Variants in CSMD1 observed in about 807,000 individuals in gnomAD.
CSMD1 encodes CUB and Sushi multiple domains 1.
A neutral mutation model predicts 417.5 loss-of-function variants in CSMD1; 213 were observed. That is an observed-to-expected ratio of 0.51 (90% CI 0.46 to 0.57). The LOEUF (loss-of-function observed/expected upper bound fraction) is 0.57. Ranked by LOEUF, CSMD1 falls within the 20% of genes least tolerant of loss-of-function variation. CSMD1 has a pLI of 0.00. For missense variants in CSMD1, 6,923 were observed against 4,529.7 expected (o/e 1.53, Z -15.17); for synonymous variants, 2,862 against 1,736.8 (o/e 1.65, Z -16.11).
At chr8:3,807,254 T>G (rs1262341576) in intron 5 of CSMD1, among the ~76,000 whole-genome samples, 1 of 152,168 alleles carries the variant, frequency 6.6e-6, no homozygotes, top group Non-Finnish European at 1.5e-5. Context: ...TAATTTCCAT[T>G]CTTTGATCAA....
chr8:4,212,831 T>C (rs1323233020), intron 3 of CSMD1, among the ~76,000 whole-genome samples: 1 of 147,898 alleles, frequency 6.8e-6, no homozygotes, highest in Non-Finnish European at 1.5e-5. Flanking sequence ...GACTGGCATT[T>C]GGGAAACACC....
chr8:3,709,473 G>C (rs777281724), intron 6 of CSMD1, among the ~76,000 whole-genome samples: 5 of 152,114 alleles, frequency 3.3e-5, no homozygotes, highest in Admixed American at 6.5e-5. Flanking sequence ...CTCAGACATT[G>C]GGCCAGAGGA....
intron 3 of CSMD1, among the ~76,000 whole-genome samples, chr8:4,293,877 C>T (rs1048404871): frequency 6.6e-6 from 1 of 151,810 alleles, no homozygotes. Context: ...AGTGGTGAGA[C>T]CAGATTTAAG....
At chr8:4,317,025 T>C (rs1798974965) in intron 3 of CSMD1, among the ~76,000 whole-genome samples, 1 of 152,104 alleles carries the variant, frequency 6.6e-6, no homozygotes, top group South Asian at 2.1e-4. Context: ...GGCAAAAAAC[T>C]ACACTTGTAA....
intron 7 of CSMD1, among the ~76,000 whole-genome samples, chr8:3,661,500 T>A (rs183576514): frequency 9.1e-6 from 1 of 109,826 alleles, no homozygotes; most frequent in East Asian, 4.2e-4. Context: ...TTAAACTGAT[T>A]TTTTTTTCTT....
chr8:3,035,320 C>G (rs749588466), intron 50 of CSMD1, among the ~76,000 whole-genome samples: 9 of 152,028 alleles, frequency 5.9e-5, no homozygotes, highest in African/African-American at 2.2e-4. Context: ...CTACTGTAAG[C>G]GGATCCTCAC....
chr8:3,275,028 G>A (rs148751773), intron 26 of CSMD1, among the ~76,000 whole-genome samples: 41,564 of 151,764 alleles, frequency 0.27, 5,842 homozygotes, highest in African/African-American at 0.34. Flanking sequence ...TAGCCTTGAT[G>A]GTCTTTACAA....
intron 5 of CSMD1, among the ~76,000 whole-genome samples, chr8:3,866,803 C>A (rs189595912): frequency 6.6e-6 from 1 of 152,090 alleles, no homozygotes; most frequent in Admixed American, 6.5e-5. Flanking sequence ...GCTCACAAAT[C>A]CTTAATATGA....
At chr8:4,788,319 C>G in intron 1 of CSMD1, 1 of 1,570,122 alleles carries the variant, frequency 6.4e-7, no homozygotes, top group East Asian at 2.3e-5. Context: ...TGGTTTGGGA[C>G]CAGTGATGTC....
intron 3 of CSMD1, among the ~76,000 whole-genome samples, chr8:4,163,080 A>G (rs1165769423): frequency 6.6e-6 from 1 of 152,172 alleles, no homozygotes; most frequent in East Asian, 1.9e-4. Flanking sequence ...ATTTTGTTTT[A>G]GCAATGAATA....
rs545696370 is a variant in CSMD1 at position 4,105,855 on chromosome 8, C to T, written c.416-73756G>A. On this transcript the variant is annotated intron_variant, in intron 3 of 69. Coordinates refer to ENST00000635120, the MANE Select transcript of CSMD1 (RefSeq NM_033225.6). ...GCTGAGGCCATGACCCTCTGAGCTT[C>T]CCGGGACAACAGAGCAGACAGGACA... is the stretch of plus-strand genomic sequence containing the variant. Among the ~76,000 whole-genome samples, 3 of 152,326 alleles carry T rather than the reference C, an allele frequency of 2.0e-5. No homozygotes were observed. In the South Asian group the frequency reaches 6.2e-4, roughly 32 times the overall value.
intron 3 of CSMD1, among the ~76,000 whole-genome samples, chr8:4,163,994 T>A (rs1001197299): frequency 1.3e-5 from 2 of 152,206 alleles, no homozygotes; most frequent in Admixed American, 1.3e-4. Context: ...TGAGGAATAA[T>A]CGTGAGGAGA....
chr8:2,973,431 G>A, intron 56 of CSMD1, 132 bp from the exon 57 acceptor site: 1 of 858,892 alleles, frequency 1.2e-6, no homozygotes, highest in Non-Finnish European at 1.8e-6. Flanking sequence ...ACAACATTCT[G>A]CAATCTTGTA....
chr8:4,283,154 T>G (rs568625371), intron 3 of CSMD1, among the ~76,000 whole-genome samples: 74 of 152,326 alleles, frequency 4.9e-4, no homozygotes, highest in African/African-American at 1.7e-3. Context: ...GTTGGTTTTG[T>G]GAAGGTACGT....
chr8:4,911,228 G>T (rs1193175523), intron 1 of CSMD1, among the ~76,000 whole-genome samples: 1 of 152,180 alleles, frequency 6.6e-6, no homozygotes, highest in African/African-American at 2.4e-5. Flanking sequence ...AATTCTGTCT[G>T]CTCCATCAGT....
At chr8:3,821,659 G>A (rs544944718) in intron 5 of CSMD1, among the ~76,000 whole-genome samples, 10 of 152,282 alleles carry the variant, frequency 6.6e-5, no homozygotes, top group African/African-American at 1.4e-4. Flanking sequence ...GCACATGCCT[G>A]TAATCCCAAC....
intron 5 of CSMD1, among the ~76,000 whole-genome samples, chr8:3,786,409 T>C (rs574047877): frequency 1.3e-5 from 2 of 151,810 alleles, no homozygotes; most frequent in East Asian, 3.9e-4. Flanking sequence ...CGAACAAGAG[T>C]TTGGGGGACC....
chr8:3,217,003 C>T (rs1488900481), intron 29 of CSMD1, among the ~76,000 whole-genome samples: 3 of 151,938 alleles, frequency 2.0e-5, no homozygotes, highest in Admixed American at 6.6e-5. Context: ...AGGCTGGATG[C>T]AATGGCATCA....
chr8:4,331,754 T>G (rs1434491889), intron 3 of CSMD1, among the ~76,000 whole-genome samples: 1 of 152,172 alleles, frequency 6.6e-6, no homozygotes, highest in East Asian at 1.9e-4. Flanking sequence ...CCAGCTTCGG[T>G]CCATGTGCCA....
Sources: allele counts gnomAD v4.1 joint callset (sites outside exome capture counted in the v4.1 genomes callset), GRCh38; gene constraint gnomAD v4.1.1; transcripts MANE v1.5; gene names NCBI Gene and HGNC (gene_info 2026-07-23, HGNC 2026-07-21).